NCAM2: variants seen among roughly 807,000 people sequenced by gnomAD.
NCAM2 encodes the protein neural cell adhesion molecule 2.
NCAM2 carries 30 observed loss-of-function variants against 98.1 expected under a neutral mutation model. The observed-to-expected ratio is 0.31, with a 90% CI of 0.23 to 0.41. The LOEUF is 0.41. Ranked by LOEUF, NCAM2 falls within the 10% of genes least tolerant of loss-of-function variation. NCAM2 has a pLI of 1.00. For synonymous variants in NCAM2, 368 were observed against 342.4 expected, an observed-to-expected ratio of 1.07 and a Z score of -0.83; for missense variants, 867 against 1,005.8, an observed-to-expected ratio of 0.86 and a Z score of 1.87.
intron 1 of NCAM2, among the ~76,000 whole-genome samples, chr21:21,063,041 T>C (rs567751480): frequency 6.6e-6 from 1 of 152,232 alleles, no homozygotes; most frequent in South Asian, 2.1e-4. Context: ...ACAAAAAATC[T>C]GAGTAGTTTT....
chr21:21,195,171 A>G (rs1199009706), intron 1 of NCAM2, among the ~76,000 whole-genome samples: 1 of 152,184 alleles, frequency 6.6e-6, no homozygotes, highest in African/African-American at 2.4e-5. Flanking sequence ...GTATTGCTAT[A>G]TTTTGGTAGG....
intron 1 of NCAM2, among the ~76,000 whole-genome samples, chr21:21,199,733 A>C (rs977504953): frequency 6.6e-6 from 1 of 152,188 alleles, no homozygotes; most frequent in African/African-American, 2.4e-5. Flanking sequence ...GTATAATAGG[A>C]TAGGCCTATG....
chr21:21,195,248 T>C (rs2068963802), intron 1 of NCAM2, among the ~76,000 whole-genome samples: 1 of 152,140 alleles, frequency 6.6e-6, no homozygotes, highest in South Asian at 2.1e-4. Context: ...GTAGGAAATA[T>C]AACCCTCAAC....
intron 5 of NCAM2, among the ~76,000 whole-genome samples, chr21:21,304,694 GTGT>G (rs1253263056): frequency 6.6e-6 from 1 of 152,024 alleles, no homozygotes; most frequent in Non-Finnish European, 1.5e-5. Context: ...GATTAGAATT[GTGT>G]TGAAGCTATA....
At chr21:21,479,648 G>T in intron 15 of NCAM2, among the ~76,000 whole-genome samples, 1 of 146,410 alleles carries the variant, frequency 6.8e-6, no homozygotes, top group Non-Finnish European at 1.5e-5. Flanking sequence ...TAGACAAAAG[G>T]TTGAAAAAAT....
intron 1 of NCAM2, among the ~76,000 whole-genome samples, chr21:21,234,069 A>T (rs957893455): frequency 6.6e-6 from 1 of 151,848 alleles, no homozygotes; most frequent in Admixed American, 6.6e-5. Flanking sequence ...CAAAGAGTGT[A>T]TTTAAAATAC....
At chr21:21,027,457 A>G (rs1278605363) in intron 1 of NCAM2, among the ~76,000 whole-genome samples, 1 of 152,198 alleles carries the variant, frequency 6.6e-6, no homozygotes, top group African/African-American at 2.4e-5. Context: ...TTCCAATACA[A>G]TTTCTAATTA....
At chr21:21,395,923 T>C (rs777337950) in intron 9 of NCAM2, among the ~76,000 whole-genome samples, 4 of 152,064 alleles carry the variant, frequency 2.6e-5, no homozygotes, top group Non-Finnish European at 5.9e-5. Flanking sequence ...GAAGATAACA[T>C]GGGAAAAATC....
chr21:21,227,881 A>G lies in NCAM2; in HGVS notation c.56-52697A>G, dbSNP rs556165573. 9.2e-5 allele frequency among the ~76,000 whole-genome samples: 14 copies of G among 151,980 alleles called. No homozygotes were observed. The East Asian group carries it at 2.3e-3, about 25-fold the overall frequency. On this transcript the variant is annotated intron_variant, in intron 1 of 17. Transcript: ENST00000400546. ...GCACAATTTTAAAACTTAGAGAAAT[A>G]TAAGTGATCTTTTATGATTGTTAAG...
chr21:21,124,914 G>A (rs1601431990), intron 1 of NCAM2, among the ~76,000 whole-genome samples: 1 of 148,510 alleles, frequency 6.7e-6, no homozygotes, highest in South Asian at 2.1e-4. Context: ...AAAACTCATT[G>A]TTACATTTTC....
intron 1 of NCAM2, among the ~76,000 whole-genome samples, chr21:21,048,570 G>A (rs969426380): frequency 2.0e-5 from 3 of 152,264 alleles, no homozygotes; most frequent in African/African-American, 7.2e-5. Context: ...AGCCAGGTTG[G>A]CATTGATCTC....
chr21:21,113,276 G>A (rs768282142), intron 1 of NCAM2, among the ~76,000 whole-genome samples: 8 of 152,120 alleles, frequency 5.3e-5, no homozygotes, highest in Non-Finnish European at 8.8e-5. Flanking sequence ...CAGGAATCAC[G>A]GTGGCACAAA....
At chr21:21,115,009 CG>C (rs963029618) in intron 1 of NCAM2, among the ~76,000 whole-genome samples, 1 of 151,830 alleles carries the variant, frequency 6.6e-6, no homozygotes, top group Non-Finnish European at 1.5e-5. Flanking sequence ...TTAGTAGAGA[CG>C]GGGTTTCACC....
chr21:21,330,501 A>G (rs2074643393), intron 6 of NCAM2, among the ~76,000 whole-genome samples: 1 of 152,010 alleles, frequency 6.6e-6, no homozygotes, highest in Admixed American at 6.6e-5. Flanking sequence ...TAGACTTTTT[A>G]ATGGTTTCAA....
intron 12 of NCAM2, among the ~76,000 whole-genome samples, chr21:21,438,908 C>T (rs1266860198): frequency 1.3e-5 from 2 of 151,920 alleles, no homozygotes; most frequent in African/African-American, 2.4e-5. Context: ...CAAAGCAAGA[C>T]CCCGTCTCTC....
chr21:21,325,706 G>A (rs1408439439), intron 6 of NCAM2, among the ~76,000 whole-genome samples: 3 of 152,074 alleles, frequency 2.0e-5, no homozygotes, highest in Non-Finnish European at 4.4e-5. Flanking sequence ...AAAAAATACT[G>A]TTCTACAATC....
chr21:21,530,130 A>C lies in NCAM2; in HGVS notation c.2283-4407A>C, dbSNP rs897150700. ...ATAATTTAATTTAATTTAATTATAT[A>C]TGATTTAATTTAATTTAATTATATA... On this transcript the variant is annotated intron_variant, in intron 16 of 17. Transcript: ENST00000400546. 1.1e-4 allele frequency among the ~76,000 whole-genome samples: 16 copies of C among 144,108 alleles called. No individual in the cohort carries two copies. The East Asian group carries it at 2.8e-3, about 25-fold the overall frequency. The allele number at this position is 144,108 out of a possible 152,430, so 94.5% of individuals were successfully genotyped here. A position where few individuals can be genotyped will look rare whatever the true frequency, so the allele number is the denominator to read the frequency against.
At chr21:21,473,903 C>CAAAAA (rs5842929) in intron 14 of NCAM2, among the ~76,000 whole-genome samples, 2 of 136,318 alleles carry the variant, frequency 1.5e-5, no homozygotes, top group South Asian at 2.3e-4. Flanking sequence ...ATTTTCTGAC[C>CAAAAA]AAAAAAAAAA....
chr21:21,386,076 A>C (rs1257999836), intron 9 of NCAM2, among the ~76,000 whole-genome samples: 1 of 152,140 alleles, frequency 6.6e-6, no homozygotes, highest in Non-Finnish European at 1.5e-5. Flanking sequence ...ATAACACAGA[A>C]TCATGTTACT....
Sources: gnomAD v4.1 joint callset for allele counts (sites outside exome capture counted in the v4.1 genomes callset) on GRCh38, gnomAD v4.1.1 for gene constraint, MANE v1.5 for transcripts, NCBI Gene and HGNC (gene_info 2026-07-23, HGNC 2026-07-21) for gene names.